TDRD1: variants seen among roughly 807,000 people sequenced by gnomAD.
The protein encoded by TDRD1 is tudor domain containing 1.
TDRD1 carries 37 observed loss-of-function variants against 140.6 expected under a neutral mutation model. That is an observed-to-expected ratio of 0.26 (90% CI 0.20 to 0.35). The LOEUF is 0.35. Among genes scored for constraint, TDRD1 ranks in the 10% least tolerant of loss-of-function variants. The pLI, the probability that TDRD1 is intolerant of heterozygous loss-of-function variation, is 1.00. For synonymous variants in TDRD1, 506 were observed against 475.7 expected (o/e 1.06, Z -0.83); for missense variants, 1,243 against 1,393.0 (o/e 0.89, Z 1.71).
chr10:114,225,042 A>G (rs2036355342), intron 21 of TDRD1, among the ~76,000 whole-genome samples: 1 of 152,118 alleles, frequency 6.6e-6, no homozygotes, highest in African/African-American at 2.4e-5. Flanking sequence ...GGGCTGTCAC[A>G]TGGACTGGTG....
chr10:114,227,312 A>G lies in TDRD1; in HGVS notation c.3403+13A>G. On this transcript the variant is annotated intron_variant, in intron 23 of 25. Transcript: ENST00000251864. ...GCTTTAAATACAGGTATTCTTTTCA[A>G]GTGTTATTAATAACAGATGTTAAGT... 3.2e-6 allele frequency: 5 copies of G among 1,546,260 alleles called. No individual in the cohort carries two copies. Among genetic ancestry groups the G allele is most frequent in the Non-Finnish European group, 4.5e-6 (5 of 1,118,726 alleles).
chr10:114,187,702 C>A, intron 1 of TDRD1, 124 bp from the exon 2 acceptor site: 1 of 879,550 alleles, frequency 1.1e-6, no homozygotes, highest in Non-Finnish European at 1.7e-6. Flanking sequence ...GTTATATCTG[C>A]TTTGGAATTG....
intron 1 of TDRD1, among the ~76,000 whole-genome samples, chr10:114,184,779 TTG>T (rs1294822674): frequency 1.4e-4 from 22 of 152,334 alleles, no homozygotes; most frequent in African/African-American, 5.1e-4. Flanking sequence ...ATCATTTCCT[TTG>T]TGATTTTTTT....
chr10:114,202,998 G>T lies in TDRD1; in HGVS notation c.697-74G>T, dbSNP rs1330999034. On this transcript the variant is annotated intron_variant, in intron 6 of 25. Transcript: ENST00000251864. The stretch of plus-strand genomic sequence containing the variant: ...GTTAGGATATTGTGACTGCAGTTCC[G>T]ACGTGTAGTGGCCATAGAATCATTG... The T allele has an allele frequency of 2.5e-5, 24 of 956,646 alleles. No homozygotes were observed. In the East Asian group the frequency reaches 4.8e-4, roughly 19 times the overall value. The allele number at this position is 956,646 out of a possible 1,614,324, so 59.3% of individuals were successfully genotyped here.
intron 3 of TDRD1, among the ~76,000 whole-genome samples, chr10:114,198,039 G>T (rs928527287): frequency 6.6e-6 from 1 of 152,084 alleles, no homozygotes; most frequent in African/African-American, 2.4e-5. Context: ...CAGGTCGGGG[G>T]GTATATGTCC....
At chr10:114,185,105 TCTC>T (rs1447241928) in intron 1 of TDRD1, among the ~76,000 whole-genome samples, 2 of 152,224 alleles carry the variant, frequency 1.3e-5, no homozygotes, top group African/African-American at 4.8e-5. Context: ...CTGAATTTCT[TCTC>T]CTTCAGTCGG....
intron 21 of TDRD1, among the ~76,000 whole-genome samples, chr10:114,224,894 C>G (rs987494468): frequency 1.3e-5 from 2 of 152,174 alleles, no homozygotes; most frequent in Non-Finnish European, 2.9e-5. Flanking sequence ...TATGCTGTTC[C>G]TGTATTTAAG....
chr10:114,199,339 G>A (rs1168236431), intron 4 of TDRD1, 22 bp downstream of exon 4: 40 of 1,563,462 alleles, frequency 2.6e-5, no homozygotes, highest in Non-Finnish European at 3.3e-5. Flanking sequence ...GTTCTTGGGT[G>A]TCTGAATTCT....
intron 14 of TDRD1, among the ~76,000 whole-genome samples, 183 bp from the exon 15 acceptor site, chr10:114,213,163 C>T (rs935455161): frequency 1.3e-5 from 2 of 152,172 alleles, no homozygotes; most frequent in Non-Finnish European, 2.9e-5. Context: ...TGGAATGAAC[C>T]ATTGCCCACC....
chr10:114,174,966 T>G (rs550742371), upstream of TDRD1, among the ~76,000 whole-genome samples: 1 of 152,312 alleles, frequency 6.6e-6, no homozygotes, highest in Non-Finnish European at 1.5e-5. Context: ...TTGGTTTAGG[T>G]CTTACACATA....
intron 3 of TDRD1, among the ~76,000 whole-genome samples, chr10:114,194,662 T>A (rs1039836636): frequency 7.2e-5 from 11 of 151,976 alleles, no homozygotes; most frequent in Non-Finnish European, 1.2e-4. Flanking sequence ...ATTGATTTCT[T>A]CTTTTATCTT....
At chr10:114,194,259 A>T (rs2034185509) in intron 3 of TDRD1, among the ~76,000 whole-genome samples, 1 of 152,210 alleles carries the variant, frequency 6.6e-6, no homozygotes, top group African/African-American at 2.4e-5. Flanking sequence ...GAGAAATTGT[A>T]TAGAATTGGT....
chr10:114,202,630 G>A (rs2034832182), intron 6 of TDRD1, among the ~76,000 whole-genome samples: 1 of 152,078 alleles, frequency 6.6e-6, no homozygotes, highest in Non-Finnish European at 1.5e-5. Flanking sequence ...CCCCATTTAG[G>A]CAACAACATG....
At chr10:114,227,888 C>G in intron 23 of TDRD1, 22 bp from the exon 24 acceptor site, 1 of 1,605,958 alleles carries the variant, frequency 6.2e-7, no homozygotes, top group Non-Finnish European at 8.5e-7. Context: ...TATCTAATGG[C>G]TTATTTTTCT....
intron 6 of TDRD1, among the ~76,000 whole-genome samples, chr10:114,202,671 C>T (rs1014690592): frequency 1.3e-5 from 2 of 152,130 alleles, no homozygotes; most frequent in Non-Finnish European, 2.9e-5. Flanking sequence ...GAAAAACATC[C>T]GTCGTGTCCA....
intron 3 of TDRD1, among the ~76,000 whole-genome samples, chr10:114,198,665 G>T: frequency 6.6e-6 from 1 of 152,042 alleles, no homozygotes; most frequent in East Asian, 1.9e-4. Context: ...TTTAAATGAT[G>T]AGGGTCTCAC....
At chr10:114,189,257 A>T (rs2033785126) in intron 2 of TDRD1, among the ~76,000 whole-genome samples, 1 of 152,214 alleles carries the variant, frequency 6.6e-6, no homozygotes, top group South Asian at 2.1e-4. Context: ...GTATTTGTGT[A>T]ATGAAATGGG....
chr10:114,186,554 C>T (rs1035769882), intron 1 of TDRD1, among the ~76,000 whole-genome samples: 6 of 152,166 alleles, frequency 3.9e-5, no homozygotes, highest in East Asian at 3.8e-4. Context: ...TGTGAGCCAC[C>T]GCGCCCAGCC....
At chr10:114,216,208 A>G (rs888457531) in intron 16 of TDRD1, among the ~76,000 whole-genome samples, 2 of 152,126 alleles carry the variant, frequency 1.3e-5, no homozygotes, top group Non-Finnish European at 2.9e-5. Context: ...CCCAAACTTT[A>G]TTTGGTTTTT....
Sources: gnomAD v4.1 joint callset for allele counts (sites outside exome capture counted in the v4.1 genomes callset) on GRCh38, gnomAD v4.1.1 for gene constraint, MANE v1.5 for transcripts, NCBI Gene and HGNC (gene_info 2026-07-23, HGNC 2026-07-21) for gene names.